KCNH1: variants seen among roughly 807,000 people sequenced by gnomAD.
KCNH1 encodes the protein voltage-gated delayed rectifier potassium channel KCNH1.
Under a neutral mutation model 69.2 loss-of-function variants are expected in KCNH1, and 27 were observed. The observed-to-expected ratio is 0.39, with a 90% CI of 0.29 to 0.54. The LOEUF is 0.54. Ranked by LOEUF, KCNH1 falls within the 20% of genes least tolerant of loss-of-function variation. The pLI is 0.68. For synonymous variants in KCNH1, 456 were observed against 487.7 expected (o/e 0.93, Z 0.86); for missense variants, 798 against 1,261.6 (o/e 0.63, Z 5.57).
intron 7 of KCNH1, among the ~76,000 whole-genome samples, chr1:210,914,999 T>G (rs1483891518): frequency 6.6e-6 from 1 of 151,900 alleles, no homozygotes; most frequent in Non-Finnish European, 1.5e-5. Context: ...GAGAAGAGAA[T>G]CAGAAAAGTG....
At chr1:210,853,808 C>T (rs993101806) in intron 7 of KCNH1, among the ~76,000 whole-genome samples, 5 of 152,074 alleles carry the variant, frequency 3.3e-5, no homozygotes, top group African/African-American at 1.2e-4. Flanking sequence ...CCCAAACCAT[C>T]CGGTTCAAGT....
intron 7 of KCNH1, among the ~76,000 whole-genome samples, chr1:210,888,579 G>C (rs1022778775): frequency 6.6e-6 from 1 of 151,632 alleles, no homozygotes; most frequent in Non-Finnish European, 1.5e-5. Flanking sequence ...TGAAGGAGAC[G>C]GAGACATAAA....
intron 7 of KCNH1, among the ~76,000 whole-genome samples, chr1:210,809,297 A>G (rs966987422): frequency 2.6e-5 from 4 of 152,160 alleles, no homozygotes; most frequent in African/African-American, 9.7e-5. Context: ...TGTGAACTGA[A>G]AATGACAAGG....
At chr1:210,748,635 A>G (rs1369630961) in intron 10 of KCNH1, among the ~76,000 whole-genome samples, 2 of 152,194 alleles carry the variant, frequency 1.3e-5, no homozygotes, top group Non-Finnish European at 1.5e-5. Context: ...ATAAATAAGC[A>G]CAGCCCCTTT....
chr1:210,933,527 A>T (rs199679085), intron 6 of KCNH1, among the ~76,000 whole-genome samples: 172 of 48,424 alleles, frequency 3.6e-3, no homozygotes, highest in African/African-American at 9.6e-3. Context: ...AATAAAATTT[A>T]AAAAAAAAAT....
rs1177762040 is a variant in KCNH1, at chr1:210,834,547, G to T, written c.1463-30381C>A. ...TGGGGACTGTTGTGGGGTGGGGGGA[G>T]GGGGGAGGGATAGCATTGGGAGATA... On this transcript the variant is annotated intron_variant, in intron 7 of 10. Coordinates refer to ENST00000271751, the MANE Select transcript of KCNH1 (RefSeq NM_172362.3). 5.1e-3 allele frequency among the ~76,000 whole-genome samples: 525 copies of T among 102,106 alleles called. 3 individuals are homozygous for T. Among genetic ancestry groups the T allele is most frequent in the African/African-American group, 0.018 (468 of 26,394 alleles). 67.0% of individuals were successfully genotyped at this position (102,106 alleles called of 152,430 possible).
intron 6 of KCNH1, 124 bp downstream of exon 6, chr1:211,018,659 G>T: frequency 1.3e-6 from 1 of 797,490 alleles, no homozygotes; most frequent in South Asian, 1.8e-5. Flanking sequence ...TATCAAGCAT[G>T]CTCCCTCTGT....
chr1:210,902,316 G>A (rs1210667581), intron 7 of KCNH1, among the ~76,000 whole-genome samples: 1 of 152,176 alleles, frequency 6.6e-6, no homozygotes, highest in Non-Finnish European at 1.5e-5. Flanking sequence ...AGCCCAGAGG[G>A]TCTCAAGCAA....
Position 210,919,461 on chromosome 1 carries a change from A to AT in KCNH1, c.1462+178dup, listed in dbSNP as rs560190280. On this transcript the variant is annotated intron_variant, in intron 7 of 10. Transcript: ENST00000271751. This position sits in a 1 kb window ranked among gnomAD's most constrained non-coding sequence, Gnocchi z 4.2. ...CTTTGCACTCTTTTGTATTTTCTAA[A>AT]TTTTTTTGCAGTAAGCATATACTGC... The AT allele has an allele frequency of 2.1e-4, 132 of 640,828 alleles. No homozygotes were observed. The African/African-American group carries it at 2.3e-3, about 11-fold the overall frequency. 39.7% of individuals were successfully genotyped at this position (640,828 alleles called of 1,614,324 possible). A position where few individuals can be genotyped will look rare whatever the true frequency, so the allele number is the denominator to read the frequency against.
chr1:211,089,648 A>T (rs909321937), intron 4 of KCNH1, among the ~76,000 whole-genome samples: 1 of 152,054 alleles, frequency 6.6e-6, no homozygotes, highest in Non-Finnish European at 1.5e-5. Context: ...TCTCAGTTTA[A>T]CTCTCCCCTG....
chr1:210,728,713 G>A (rs1682670556), intron 10 of KCNH1, among the ~76,000 whole-genome samples: 1 of 152,264 alleles, frequency 6.6e-6, no homozygotes, highest in South Asian at 2.1e-4. Context: ...GGAGGAGCCA[G>A]TTTTAGGTGC....
chr1:210,795,177 G>T (rs1265306095), intron 9 of KCNH1, among the ~76,000 whole-genome samples: 2 of 152,014 alleles, frequency 1.3e-5, no homozygotes, highest in Non-Finnish European at 2.9e-5. Context: ...GTGAGACAGG[G>T]TCTCCTTCTG....
chr1:210,823,478 C>A (rs1230563950), intron 7 of KCNH1, among the ~76,000 whole-genome samples: 1 of 152,190 alleles, frequency 6.6e-6, no homozygotes, highest in Non-Finnish European at 1.5e-5. Context: ...AATGTGCTCT[C>A]TCCCTGTGTT....
At chr1:211,126,625 G>A (rs1388689246) in intron 1 of KCNH1, among the ~76,000 whole-genome samples, 1 of 149,886 alleles carries the variant, frequency 6.7e-6, no homozygotes, top group Non-Finnish European at 1.5e-5. Context: ...AGAAGCTGCA[G>A]TGAGCTGACA....
intron 10 of KCNH1, among the ~76,000 whole-genome samples, chr1:210,699,074 G>T (rs111422020): frequency 0.011 from 1,728 of 152,266 alleles, 13 homozygotes; most frequent in South Asian, 0.035. Context: ...CCCGTATTTT[G>T]GACCTTCTGC....
chr1:210,983,417 G>A (rs1319559239), intron 6 of KCNH1, among the ~76,000 whole-genome samples: 1 of 152,212 alleles, frequency 6.6e-6, no homozygotes, highest in Non-Finnish European at 1.5e-5. Flanking sequence ...TAACATATAA[G>A]TCTTTAATCC....
At chr1:210,805,715 A>T (rs1372538471) in intron 7 of KCNH1, among the ~76,000 whole-genome samples, 1 of 152,188 alleles carries the variant, frequency 6.6e-6, no homozygotes, top group East Asian at 1.9e-4. Flanking sequence ...TATTCCTCCG[A>T]AAATAAACCC....
At position 211,050,780 on chromosome 1, in the gene KCNH1, T is replaced by C. The variant is rs143995996; in HGVS notation, c.559-31524A>G. On this transcript the variant is annotated intron_variant, in intron 5 of 10. Coordinates refer to ENST00000271751, the MANE Select transcript of KCNH1 (RefSeq NM_172362.3). The stretch of plus-strand genomic sequence containing the variant: ...AGTTTTCCATTATCCATGATCAAGG[T>C]AGAAAGGTGACATGAGCAGAGGAAG... 6.3e-4 allele frequency among the ~76,000 whole-genome samples: 96 copies of C among 152,232 alleles called. 2 individuals are homozygous for C. In the East Asian group the frequency reaches 0.017, roughly 27 times the overall value.
intron 5 of KCNH1, among the ~76,000 whole-genome samples, chr1:211,044,511 A>G (rs1195081001): frequency 1.3e-5 from 2 of 152,208 alleles, no homozygotes; most frequent in Non-Finnish European, 2.9e-5. Context: ...CAATCTATAC[A>G]TCTGACAACG....
Sources: allele counts gnomAD v4.1 joint callset (sites outside exome capture counted in the v4.1 genomes callset), GRCh38; gene constraint gnomAD v4.1.1; non-coding constraint Gnocchi (gnomAD v3.1); transcripts MANE v1.5; gene names NCBI Gene and HGNC (gene_info 2026-07-23, HGNC 2026-07-21).